Variants in ARIH1 observed in about 807,000 individuals in gnomAD.
ARIH1 encodes ariadne RBR E3 ubiquitin protein ligase 1.
In ARIH1, 8 loss-of-function variants were observed where a neutral mutation model predicts 85.0. The observed-to-expected ratio is 0.09, with a 90% CI of 0.06 to 0.17. The LOEUF (loss-of-function observed/expected upper bound fraction) is 0.17, where lower values mean the gene tolerates loss of function less well. Among genes scored for constraint, ARIH1 ranks in the 10% least tolerant of loss-of-function variants. ARIH1 has a pLI of 1.00. For synonymous variants in ARIH1, 238 were observed against 253.6 expected (o/e 0.94, Z 0.59); for missense variants, 311 against 718.1 (o/e 0.43, Z 6.48).
At chr15:72,512,239 A>G (rs968662767) in intron 1 of ARIH1, among the ~76,000 whole-genome samples, 8 of 151,790 alleles carry the variant, frequency 5.3e-5, no homozygotes, top group Non-Finnish European at 1.2e-4. Context: ...TTGAATGATT[A>G]GTAGAATTTT....
Position 72,591,844 on chromosome 15 carries a change from A to G in ARIH1, c.*8552A>G, listed in dbSNP as rs2064344848. On this transcript the variant is annotated 3_prime_UTR_variant, in exon 14 of 14. Transcript: ENST00000379887. ...TTGCTTGTTAATAAATTCCTACCACATACCCAGACTTGTGGTTTATTTCTA... is the reference window on the plus strand; with the variant it reads ...TTGCTTGTTAATAAATTCCTACCACGTACCCAGACTTGTGGTTTATTTCTA... The G allele has an allele frequency of 6.6e-6, 1 of 152,238 alleles. No individual in the cohort carries two copies. The highest frequency in any genetic ancestry group is 2.1e-4 in the South Asian group (1 of 4,838). The allele number at this position is 152,238 out of a possible 1,614,324, so 9.4% of individuals were successfully genotyped here.
At chr15:72,507,284 A>G (rs1169879672) in intron 1 of ARIH1, among the ~76,000 whole-genome samples, 1 of 152,140 alleles carries the variant, frequency 6.6e-6, no homozygotes, top group Non-Finnish European at 1.5e-5. Context: ...TTGGCCTCCC[A>G]AAGTGCTGGG....
chr15:72,580,733 A>T lies in ARIH1; in HGVS notation c.1218A>T (p.Arg406=). Residue 406 remains arginine (R), a splice_region_variant and synonymous_variant, in exon 12 of 14, where the codon CGA becomes CGT. Transcript: ENST00000379887. ...CCCAATTTTTCTTAATGGGACAGCG[A>T]TCTAGGGCAGCCCTGCAGAGGTACC... The part of the protein sequence containing the change: ...DAKAARDAQE[R]SRAALQRYLF... The T allele has an allele frequency of 6.2e-7, 1 of 1,611,312 alleles. No individual in the cohort carries two copies. The highest frequency in any genetic ancestry group is 1.1e-5 in the South Asian group (1 of 90,914).
chr15:72,501,289 CAA>C (rs2063902295), intron 1 of ARIH1, among the ~76,000 whole-genome samples: 1 of 152,074 alleles, frequency 6.6e-6, no homozygotes, highest in African/African-American at 2.4e-5. Context: ...TTTTAAGAGA[CAA>C]ATTTATTTAA....
chr15:72,597,706 G>C lies in ARIH1; in HGVS notation c.*14414G>C, dbSNP rs2064368407. ...TAGTGTACTACACCTTCCTGTACCT[G>C]GTTATCATCTAAGGGGTAAGATTGG... is the stretch of plus-strand genomic sequence containing the variant. On this transcript the variant is annotated 3_prime_UTR_variant, in exon 14 of 14. Coordinates refer to ENST00000379887, the MANE Select transcript of ARIH1 (RefSeq NM_005744.5). 6.6e-6 allele frequency: 1 copy of C among 152,074 alleles called. No homozygotes were observed. Among genetic ancestry groups the C allele is most frequent in the Admixed American group, 6.6e-5 (1 of 15,264 alleles). 9.4% of individuals were successfully genotyped at this position (152,074 alleles called of 1,614,324 possible). A position where few individuals can be genotyped will look rare whatever the true frequency, so the allele number is the denominator to read the frequency against.
intron 2 of ARIH1, among the ~76,000 whole-genome samples, chr15:72,538,234 C>G (rs2064091439): frequency 2.0e-5 from 3 of 152,086 alleles, no homozygotes. Context: ...GGAGTGGTGG[C>G]ACACATCCGT....
At chr15:72,526,255 T>G (rs543718084) in intron 2 of ARIH1, among the ~76,000 whole-genome samples, 1 of 152,294 alleles carries the variant, frequency 6.6e-6, no homozygotes, top group South Asian at 2.1e-4. Flanking sequence ...TTTCTTTTTA[T>G]TTTATTCATT....
At chr15:72,565,292 G>T (rs1223030449) in intron 7 of ARIH1, among the ~76,000 whole-genome samples, 1 of 152,020 alleles carries the variant, frequency 6.6e-6, no homozygotes, top group African/African-American at 2.4e-5. Flanking sequence ...ATTTCACCTT[G>T]TTGGCCAGGC....
chr15:72,595,341 G>A lies in ARIH1; in HGVS notation c.*12049G>A, dbSNP rs564201021. On this transcript the variant is annotated 3_prime_UTR_variant, in exon 14 of 14. Coordinates refer to ENST00000379887, the MANE Select transcript of ARIH1 (RefSeq NM_005744.5). Reference sequence around the variant, plus strand: ...AATACAGGTGCATGTCACCACACCAGGCAAATTTAAGAAATTTTTTGTAGA... The same window carrying A: ...AATACAGGTGCATGTCACCACACCAAGCAAATTTAAGAAATTTTTTGTAGA... The A allele has an allele frequency of 2.0e-5, 3 of 152,286 alleles. No individual in the cohort carries two copies. Among genetic ancestry groups the A allele is most frequent in the Non-Finnish European group, 4.4e-5 (3 of 68,084 alleles). 9.4% of individuals were successfully genotyped at this position (152,286 alleles called of 1,614,324 possible). A position where few individuals can be genotyped will look rare whatever the true frequency, so the allele number is the denominator to read the frequency against.
chr15:72,487,840 A>G (rs932754342), intron 1 of ARIH1, among the ~76,000 whole-genome samples: 3 of 152,188 alleles, frequency 2.0e-5, no homozygotes, highest in Admixed American at 1.3e-4. Context: ...AGTCTATCCC[A>G]GACTCCTTAC....
chr15:72,563,608 A>G, intron 7 of ARIH1, 108 bp downstream of exon 7: 1 of 879,158 alleles, frequency 1.1e-6, no homozygotes, highest in Non-Finnish European at 1.8e-6. Flanking sequence ...TTAGGCAGGG[A>G]GATGTTTGAT....
intron 1 of ARIH1, among the ~76,000 whole-genome samples, chr15:72,503,791 A>G (rs114450429): frequency 0.016 from 2,361 of 152,290 alleles, 56 homozygotes; most frequent in Admixed American, 0.057. Context: ...AACCCCTTGC[A>G]GGAGGGAGCA....
chr15:72,496,228 C>G lies in ARIH1; in HGVS notation c.375+21214C>G, dbSNP rs142580951. Among the ~76,000 whole-genome samples, 119 of 152,250 alleles carry G rather than the reference C, an allele frequency of 7.8e-4. No individual in the cohort carries two copies. In the East Asian group the frequency reaches 0.022, roughly 29 times the overall value. On this transcript the variant is annotated intron_variant, in intron 1 of 13. Transcript: ENST00000379887. ...CATAGTTTTGTATATAAATGTCTTA[C>G]TATTATAGTTTGGTAATCGACCTAA...
At chr15:72,535,144 G>T (rs938602024) in intron 2 of ARIH1, among the ~76,000 whole-genome samples, 2 of 150,504 alleles carry the variant, frequency 1.3e-5, no homozygotes, top group African/African-American at 4.9e-5. Context: ...GTAGAGACGG[G>T]GTTTCACCGT....
chr15:72,534,890 T>C (rs1321916944), intron 2 of ARIH1, among the ~76,000 whole-genome samples: 1 of 151,808 alleles, frequency 6.6e-6, no homozygotes, highest in Non-Finnish European at 1.5e-5. Context: ...GGGGTTGTGC[T>C]CATAGCCATC....
chr15:72,555,455 C>T (rs1450966240), intron 4 of ARIH1, 92 bp downstream of exon 4: 1 of 829,084 alleles, frequency 1.2e-6, no homozygotes, highest in Non-Finnish European at 1.9e-6. Context: ...ACAGGTGAAG[C>T]TTTATGTGTC....
rs2140442073 is a variant in ARIH1, at chr15:72,585,215, C to CT, written c.*1923_*1924insT. On this transcript the variant is annotated 3_prime_UTR_variant, in exon 14 of 14. Transcript: ENST00000379887. ...GAGTATAAATGCTGCTTCCTTAAACCACTTGTCGCTTTAGGATCAACTTTA... is the reference window on the plus strand; with the variant it reads ...GAGTATAAATGCTGCTTCCTTAAACCTACTTGTCGCTTTAGGATCAACTTTA... 6.6e-6 allele frequency: 1 copy of CT among 152,178 alleles called. No individual in the cohort carries two copies. The highest frequency in any genetic ancestry group is 2.1e-4 in the South Asian group (1 of 4,818). 9.4% of individuals were successfully genotyped at this position (152,178 alleles called of 1,614,324 possible).
At chr15:72,581,526 T>C (rs1468953388) in intron 12 of ARIH1, 2 of 157,180 alleles carry the variant, frequency 1.3e-5, no homozygotes, top group Non-Finnish European at 2.8e-5. Context: ...GCAGTAAAGG[T>C]TTTCTCAAGT....
chr15:72,478,125 G>A (rs1022414184), intron 1 of ARIH1, among the ~76,000 whole-genome samples: 2 of 151,508 alleles, frequency 1.3e-5, no homozygotes, highest in African/African-American at 2.4e-5. Flanking sequence ...TTTGTTATTT[G>A]TTTATTTTGA....
Sources: allele counts gnomAD v4.1 joint callset (sites outside exome capture counted in the v4.1 genomes callset), GRCh38; gene constraint gnomAD v4.1.1; transcripts MANE v1.5; gene names NCBI Gene and HGNC (gene_info 2026-07-23, HGNC 2026-07-21).